The following VCAM1 variants were observed in gnomAD, a reference collection of about 807,000 sequenced individuals.
VCAM1 encodes the protein vascular cell adhesion molecule 1, also known as vascular cell adhesion protein 1.
Under a neutral mutation model 63.8 loss-of-function variants are expected in VCAM1, and 41 were observed. The observed-to-expected ratio is 0.64, with a 90% CI of 0.50 to 0.83. VCAM1 has a LOEUF of 0.83. Ranked by LOEUF, VCAM1 falls within the 40% of genes least tolerant of loss-of-function variation. VCAM1 has a pLI of 0.00. For synonymous variants in VCAM1, 338 were observed against 320.7 expected (o/e 1.05, Z -0.58); for missense variants, 798 against 875.5 (o/e 0.91, Z 1.12).
rs3917050 is a variant in VCAM1 at position 100,728,953 on chromosome 1, T to A, written c.929-154T>A. ...TCATTCTTAAAAGATGTGGGCTCAT[T>A]TCTGATGGTCCCAAGGTGGAAAAGA... On this transcript the variant is annotated intron_variant, in intron 4 of 8. Transcript: ENST00000294728. Among the ~76,000 whole-genome samples the A allele has an allele frequency of 6.3e-3, 963 of 152,186 alleles. 11 individuals carry two copies. The highest frequency in any genetic ancestry group is 0.022 in the African/African-American group (924 of 41,526).
Position 100,720,738 on chromosome 1 carries a change from G to A in VCAM1, c.327G>A (p.Gln109=). Residue 109 remains glutamine (Q), a synonymous_variant, in exon 2 of 9, where the codon CAG becomes CAA. Coordinates refer to ENST00000294728, the MANE Select transcript of VCAM1 (RefSeq NM_001078.4). ...CESRKLEKGI[Q]VEIYSFPKDP... is the part of the protein sequence containing the mutation. The stretch of plus-strand genomic sequence containing the variant: ...CTAGGAAATTGGAAAAAGGAATCCA[G>A]GTGGAGATCTACTGTGAGTGCTTTA... 1 of 1,610,948 alleles carries A rather than the reference G, an allele frequency of 6.2e-7. No homozygotes were observed. The highest frequency in any genetic ancestry group is 8.5e-7 in the Non-Finnish European group (1 of 1,177,898).
chr1:100,724,886 T>C lies in VCAM1; in HGVS notation c.924T>C (p.Val308=). 1 of 1,612,268 alleles carries C rather than the reference T, an allele frequency of 6.2e-7. No homozygotes were observed. Among genetic ancestry groups the C allele is most frequent in the Non-Finnish European group, 8.5e-7 (1 of 1,178,894 alleles). The change falls in exon 4 of 9, where the codon GTT becomes GTC. Residue 308 remains valine, a synonymous_variant. Transcript: ENST00000294728. ...GKNRKEVELI[V]QEKPFTVEIS... ...ACAGAAAAGAGGTGGAATTAATTGT[T>C]CAAGGTGAGTAGAATGTGAAAAAGG... is the stretch of plus-strand genomic sequence containing the variant.
intron 4 of VCAM1, among the ~76,000 whole-genome samples, chr1:100,727,903 T>G (rs1317181695): frequency 6.6e-6 from 1 of 152,140 alleles, no homozygotes; most frequent in Non-Finnish European, 1.5e-5. Context: ...AAAAATAACT[T>G]ATGGCATAGA....
At chr1:100,723,370 T>G (rs1557902137) in intron 3 of VCAM1, 30 bp downstream of exon 3, 1 of 1,595,850 alleles carries the variant, frequency 6.3e-7, no homozygotes, top group South Asian at 1.1e-5. Context: ...GTTCCAGTCT[T>G]TGTGGGAATC....
intron 4 of VCAM1, among the ~76,000 whole-genome samples, chr1:100,726,604 A>G (rs1405439141): frequency 6.6e-6 from 1 of 152,012 alleles, no homozygotes; most frequent in Non-Finnish European, 1.5e-5. Flanking sequence ...AGACCAAACT[A>G]CATATTCTTT....
Position 100,723,254 on chromosome 1 carries a change from T to C in VCAM1, c.575T>C (p.Val192Ala), listed in dbSNP as rs761247461. Reference sequence around the variant, plus strand: ...CCTGTCATTGAGGATATTGGAAAAGTTCTTGTTTGCCGAGCTAAATTACAC... The same window carrying C: ...CCTGTCATTGAGGATATTGGAAAAGCTCTTGTTTGCCGAGCTAAATTACAC... Reference protein sequence around the residue: ...FTPVIEDIGKVLVCRAKLHID... With the variant: ...FTPVIEDIGKALVCRAKLHID... The change falls in exon 3 of 9, where the codon GTT becomes GCT. Residue 192 changes from valine to alanine, a missense_variant. By Grantham distance (64) the Val-to-Ala change is moderately conservative (BLOSUM62 0). Transcript: ENST00000294728. 5 of 1,612,982 alleles carry C rather than the reference T, an allele frequency of 3.1e-6. No homozygotes were observed. The highest frequency in any genetic ancestry group is 4.2e-6 in the Non-Finnish European group (5 of 1,179,402).
chr1:100,720,696 C>A lies in VCAM1; in HGVS notation c.285C>A (p.Cys95Ter). 6.2e-7 allele frequency: 1 copy of A among 1,613,082 alleles called. No homozygotes were observed. Among genetic ancestry groups the A allele is most frequent in the South Asian group, 1.1e-5 (1 of 91,008 alleles). The change falls in exon 2 of 9, where the codon TGC becomes TGA. Residue 95 changes from cysteine to a stop codon, truncating the protein, a stop_gained. Coordinates refer to ENST00000294728, the MANE Select transcript of VCAM1 (RefSeq NM_001078.4). LOFTEE classifies it high-confidence loss of function. The stretch of plus-strand genomic sequence containing the variant: ...TTGGGAACGAACACTCTTACCTGTG[C>A]ACAGCAACTTGTGAATCTAGGAAAT... ...VSFGNEHSYL[C>*]TATCESRKLE... is the part of the protein sequence containing the mutation.
chr1:100,730,086 TA>T (rs1357611897), intron 5 of VCAM1, among the ~76,000 whole-genome samples: 2 of 152,054 alleles, frequency 1.3e-5, no homozygotes, highest in Admixed American at 1.3e-4. Context: ...ACCATAAAGT[TA>T]TTTTTTTTTG....
At chr1:100,730,558 A>C (rs1419808608) in intron 5 of VCAM1, among the ~76,000 whole-genome samples, 1 of 152,158 alleles carries the variant, frequency 6.6e-6, no homozygotes, top group African/African-American at 2.4e-5. Context: ...AAATTTGGTC[A>C]TTAAAATTTA....
rs752259809 is a variant in VCAM1 at position 100,731,188 on chromosome 1, C to T, written c.1205-10C>T. ...CAAGAATAAAAATCGTTTTTGCTTG[C>T]GATTTGCAGCATTCCCTAGAGATCC... On this transcript the variant is annotated splice_polypyrimidine_tract_variant and intron_variant, in intron 5 of 8. Transcript: ENST00000294728. The surrounding 1 kb of genome is among the most constrained non-coding windows in gnomAD (Gnocchi z 4.2). The T allele has an allele frequency of 2.7e-5, 43 of 1,568,486 alleles. No individual in the cohort carries two copies. Among genetic ancestry groups the T allele is most frequent in the South Asian group, 1.8e-4 (15 of 84,568 alleles).
In VCAM1 at chr1:100,732,459, A is replaced by G. The variant is rs777434382; in HGVS notation, c.1567A>G (p.Ile523Val). 6.8e-6 allele frequency: 11 copies of G among 1,606,584 alleles called. No individual in the cohort carries two copies. Among genetic ancestry groups the G allele is most frequent in the Non-Finnish European group, 8.5e-6 (10 of 1,177,346 alleles). The part of the protein sequence containing the change: ...DTTVLVSPSS[I>V]LEEGSSVNMT... ...AACCGTCTTGGTCAGCCCTTCCTCC[A>G]TCCTGGAGGAAGGCAGTTCTGTGAA... The change falls in exon 7 of 9, where the codon ATC (isoleucine) becomes GTC (valine). Residue 523 changes from isoleucine to valine, a missense_variant. Transcript: ENST00000294728.
Position 100,727,043 on chromosome 1 carries a change from CTGTGTG to C in VCAM1, c.929-2033_929-2028del, listed in dbSNP as rs57979614. Among the ~76,000 whole-genome samples the C allele has an allele frequency of 6.9e-3, 1,015 of 147,778 alleles. 8 individuals carry two copies. The highest frequency in any genetic ancestry group is 0.011 in the African/African-American group (438 of 40,080). ...TGTAAACTCCTTAAAATCAGGAATT[CTGTGTG>C]TGTGTGTGTGTGTGTGTGTGTGTGT... is the stretch of plus-strand genomic sequence containing the variant. On this transcript the variant is annotated intron_variant, in intron 4 of 8. Coordinates refer to ENST00000294728, the MANE Select transcript of VCAM1 (RefSeq NM_001078.4).
intron 4 of VCAM1, 119 bp downstream of exon 4, chr1:100,725,009 C>T: frequency 7.7e-7 from 1 of 1,298,344 alleles, no homozygotes; most frequent in Admixed American, 2.4e-5. Context: ...TATCTGATTG[C>T]CATATCCTTT....
chr1:100,722,358 G>A (rs905517614), intron 2 of VCAM1, among the ~76,000 whole-genome samples: 1 of 152,022 alleles, frequency 6.6e-6, no homozygotes, highest in African/African-American at 2.4e-5. Context: ...ATTCCTGTCA[G>A]AGGCACCATT....
At chr1:100,729,068 C>T in intron 4 of VCAM1, 39 bp from the exon 5 acceptor site, 1 of 1,479,032 alleles carries the variant, frequency 6.8e-7, no homozygotes, top group Non-Finnish European at 9.0e-7. Context: ...AGAAAAGAAT[C>T]TTATGTTCTT....
At chr1:100,721,247 A>G (rs559063395) in intron 2 of VCAM1, among the ~76,000 whole-genome samples, 1 of 152,086 alleles carries the variant, frequency 6.6e-6, no homozygotes, top group Non-Finnish European at 1.5e-5. Context: ...CTTAGACATA[A>G]TTGTTAATAT....
At position 100,729,203 on chromosome 1, in the gene VCAM1, C is replaced by T. The variant is rs755570186; in HGVS notation, c.1025C>T (p.Ser342Phe). 15 of 1,613,608 alleles carry T rather than the reference C, an allele frequency of 9.3e-6. No homozygotes were observed. The highest frequency in any genetic ancestry group is 7.7e-5 in the South Asian group (7 of 91,044). ...ACATGTAGTGTCATGGGCTGTGAAT[C>T]CCCATCTTTCTCCTGGAGAACCCAG... ...MLTCSVMGCE[S>F]PSFSWRTQID... Residue 342 changes from serine (S) to phenylalanine (F), a missense_variant, in exon 5 of 9, where the codon TCC becomes TTC. By Grantham distance (155) the Ser-to-Phe change is radical. Transcript: ENST00000294728.
chr1:100,738,335 G>A lies in VCAM1; in HGVS notation c.*52G>A, dbSNP rs1482546463. 1.3e-6 allele frequency: 2 copies of A among 1,549,888 alleles called. No individual in the cohort carries two copies. Among genetic ancestry groups the A allele is most frequent in the African/African-American group, 1.4e-5 (1 of 72,872 alleles). On this transcript the variant is annotated 3_prime_UTR_variant, in exon 9 of 9. Transcript: ENST00000294728. ...ACACTATTTATCTGTGCAAATCCTT[G>A]ATACTGCTCATCATTCCTTGAGAAA...
rs745861809 is a variant in VCAM1, at chr1:100,724,757, G to T, written c.795G>T (p.Gly265=). ...TCTGGAGTAAGAAATTAGATAATGG[G>T]AATCTACAGCACCTTTCTGGAAATG... is the stretch of plus-strand genomic sequence containing the variant. ...EIFWSKKLDN[G]NLQHLSGNAT... Residue 265 remains glycine (G), a synonymous_variant, in exon 4 of 9, where the codon GGG becomes GGT. Coordinates refer to ENST00000294728, the MANE Select transcript of VCAM1 (RefSeq NM_001078.4). The T allele has an allele frequency of 1.9e-6, 3 of 1,612,996 alleles. No individual in the cohort carries two copies. Among genetic ancestry groups the T allele is most frequent in the Middle Eastern group, 1.7e-4 (1 of 6,060 alleles).
Sources: gnomAD v4.1 joint callset for allele counts (sites outside exome capture counted in the v4.1 genomes callset) on GRCh38, gnomAD v4.1.1 for gene constraint, Gnocchi (gnomAD v3.1) non-coding constraint, MANE v1.5 for transcripts, NCBI Gene and HGNC (gene_info 2026-07-23, HGNC 2026-07-21) for gene names.